ROR1: variants seen among roughly 807,000 people sequenced by gnomAD.
ROR1 encodes the protein ROR family WNT receptor 1.
In ROR1, 19 loss-of-function variants were observed where a neutral mutation model predicts 78.8. The ratio of observed to expected loss-of-function variants is 0.24; its 90% CI spans 0.17 to 0.35. The LOEUF (loss-of-function observed/expected upper bound fraction) is 0.35, where lower values mean the gene tolerates loss of function less well. Among genes scored for constraint, ROR1 ranks in the 10% least tolerant of loss-of-function variants. The pLI is 1.00. For missense variants in ROR1, 917 were observed against 1,177.8 expected (o/e 0.78, Z 3.24); for synonymous variants, 386 against 433.6 (o/e 0.89, Z 1.36).
intron 4 of ROR1, among the ~76,000 whole-genome samples, chr1:64,078,757 G>C (rs72685146): frequency 6.6e-6 from 1 of 152,160 alleles, no homozygotes; most frequent in Non-Finnish European, 1.5e-5. Context: ...AGAAGGAAAA[G>C]ATACGATCTT....
At position 64,154,128 on chromosome 1, in the gene ROR1, A is replaced by AT. The variant is rs777178977; in HGVS notation, c.1175-4844dup. ...AATCAATGTATATGGCCTATTCAGC[A>AT]TTTTTTTTTAAAGAATTCATTTGAG... On this transcript the variant is annotated intron_variant, in intron 7 of 8. Transcript: ENST00000371079. Among the ~76,000 whole-genome samples, 777 of 151,612 alleles carry AT rather than the reference A, an allele frequency of 5.1e-3. 4 individuals carry two copies. The highest frequency in any genetic ancestry group is 7.8e-3 in the Non-Finnish European group (527 of 67,856).
At chr1:63,834,761 T>C (rs1425108103) in intron 1 of ROR1, among the ~76,000 whole-genome samples, 1 of 152,168 alleles carries the variant, frequency 6.6e-6, no homozygotes, top group Non-Finnish European at 1.5e-5. Flanking sequence ...GGTTCCAAGA[T>C]GGCAAGTGGA....
At chr1:63,861,598 C>T (rs1314092523) in intron 1 of ROR1, among the ~76,000 whole-genome samples, 1 of 152,160 alleles carries the variant, frequency 6.6e-6, no homozygotes, top group Admixed American at 6.5e-5. Context: ...ACTGACTGTG[C>T]TCAGGAATAC....
At chr1:64,062,269 C>A (rs563106600) in intron 4 of ROR1, among the ~76,000 whole-genome samples, 2 of 152,240 alleles carry the variant, frequency 1.3e-5, no homozygotes, top group South Asian at 4.2e-4. Flanking sequence ...GATTCAGCCT[C>A]TTAATGTCTT....
chr1:64,079,119 A>G (rs1282462018), intron 4 of ROR1, among the ~76,000 whole-genome samples: 1 of 152,210 alleles, frequency 6.6e-6, no homozygotes, highest in Non-Finnish European at 1.5e-5. Flanking sequence ...TATTCCATGC[A>G]GCTTCAGGAG....
chr1:63,830,975 G>A (rs1334805400), intron 1 of ROR1, among the ~76,000 whole-genome samples: 2 of 152,318 alleles, frequency 1.3e-5, no homozygotes, highest in South Asian at 2.1e-4. Flanking sequence ...ACGCAGCAGG[G>A]CAGCCATTAA....
At chr1:64,084,284 C>T (rs745906128) in intron 4 of ROR1, among the ~76,000 whole-genome samples, 1 of 152,140 alleles carries the variant, frequency 6.6e-6, no homozygotes. Context: ...CTGAAGCAAA[C>T]GTTCTGGATA....
rs755212044 is a variant in ROR1, at chr1:64,177,735, T to C, written c.1694T>C (p.Ile565Thr). The C allele has an allele frequency of 6.2e-7, 1 of 1,614,180 alleles. No individual in the cohort carries two copies. Among genetic ancestry groups the C allele is most frequent in the Non-Finnish European group, 8.5e-7 (1 of 1,180,042 alleles). Residue 565 changes from isoleucine (I) to threonine (T), a missense_variant, in exon 9 of 9, where the codon ATC becomes ACC. Around this residue, in one of 3 missense-constraint regions of ROR1, gnomAD observed 835 missense variants for 1,069.8 expected, o/e 0.78. Transcript: ENST00000371079. ...INQGDLHEFLIMRSPHSDVGC... is the reference protein window; with the variant it reads ...INQGDLHEFLTMRSPHSDVGC... The stretch of plus-strand genomic sequence containing the variant: ...CAGGGGGATCTCCATGAGTTCCTCA[T>C]CATGAGATCCCCACACTCTGATGTT...
chr1:63,795,198 A>G (rs978227154), intron 1 of ROR1, among the ~76,000 whole-genome samples: 7 of 152,126 alleles, frequency 4.6e-5, no homozygotes, highest in African/African-American at 1.7e-4. Context: ...AAATCATCAG[A>G]AGCCCCGCTG....
At chr1:63,842,695 A>G (rs1645056372) in intron 1 of ROR1, among the ~76,000 whole-genome samples, 1 of 151,250 alleles carries the variant, frequency 6.6e-6, no homozygotes, top group African/African-American at 2.4e-5. Context: ...TTTTTTTTTA[A>G]TCGAAAGTGC....
At chr1:63,944,733 G>A (rs1277828252) in intron 1 of ROR1, among the ~76,000 whole-genome samples, 3 of 152,164 alleles carry the variant, frequency 2.0e-5, no homozygotes, top group Non-Finnish European at 4.4e-5. Flanking sequence ...GGATGAGGGT[G>A]CTCTGGATGC....
intron 1 of ROR1, among the ~76,000 whole-genome samples, chr1:63,856,992 T>A (rs1172143250): frequency 1.3e-5 from 2 of 152,122 alleles, no homozygotes; most frequent in Non-Finnish European, 2.9e-5. Flanking sequence ...TCTCGTTAGA[T>A]TTTGTTTCCT....
chr1:64,087,731 A>G (rs1229607253), intron 4 of ROR1, among the ~76,000 whole-genome samples: 1 of 152,236 alleles, frequency 6.6e-6, no homozygotes, highest in Non-Finnish European at 1.5e-5. Flanking sequence ...CAGCATGACA[A>G]GAGTTTTTGA....
At chr1:63,997,839 T>G (rs1646350821) in intron 1 of ROR1, among the ~76,000 whole-genome samples, 1 of 74,356 alleles carries the variant, frequency 1.3e-5, no homozygotes, top group Non-Finnish European at 3.8e-5. Flanking sequence ...GTGTTTTTTT[T>G]TTTTAAAAGT....
intron 6 of ROR1, among the ~76,000 whole-genome samples, chr1:64,141,794 T>C (rs1259426960): frequency 6.6e-6 from 1 of 152,160 alleles, no homozygotes; most frequent in Non-Finnish European, 1.5e-5. Context: ...ATTATTATTG[T>C]CATTACTCCT....
In ROR1 at chr1:64,167,077, T is replaced by TGG. The variant is rs1375728559; in HGVS notation, c.1386+7885_1386+7886insGG. On this transcript the variant is annotated intron_variant, in intron 8 of 8. Coordinates refer to ENST00000371079, the MANE Select transcript of ROR1 (RefSeq NM_005012.4). Reference sequence around the variant, plus strand: ...TTCAGAATTGGCCCAAAGTCACAAATTATTAAGTGACAGAGCCAAACTTGA... The same window carrying TGG: ...TTCAGAATTGGCCCAAAGTCACAAATGGTATTAAGTGACAGAGCCAAACTTGA... Among the ~76,000 whole-genome samples the TGG allele has an allele frequency of 1.8e-4, 27 of 152,278 alleles. No individual in the cohort carries two copies. In the East Asian group the frequency reaches 4.2e-3, roughly 24 times the overall value.
rs377646889 is a variant in ROR1 at position 64,049,671 on chromosome 1, C to T, written c.164-20C>T. 1 of 1,606,346 alleles carries T rather than the reference C, an allele frequency of 6.2e-7. No homozygotes were observed. Among genetic ancestry groups the T allele is most frequent in the East Asian group, 2.2e-5 (1 of 44,764 alleles). On this transcript the variant is annotated intron_variant, in intron 2 of 8. Coordinates refer to ENST00000371079, the MANE Select transcript of ROR1 (RefSeq NM_005012.4). ...TCAAGCTGTCTGCCCCTCTCACCTG[C>T]CTCCTCTCTGTGCTCACAGATTCTT...
At chr1:63,881,883 A>G (rs181532755) in intron 1 of ROR1, among the ~76,000 whole-genome samples, 35 of 152,302 alleles carry the variant, frequency 2.3e-4, no homozygotes, top group African/African-American at 6.5e-4. Context: ...CTTTGTCTGG[A>G]CACAGTGATT....
At chr1:63,899,224 C>G (rs921862730) in intron 1 of ROR1, among the ~76,000 whole-genome samples, 1 of 152,152 alleles carries the variant, frequency 6.6e-6, no homozygotes, top group Non-Finnish European at 1.5e-5. Context: ...AGTTTCTCCA[C>G]AAAATCCACA....
Sources: gnomAD v4.1 joint callset for allele counts (sites outside exome capture counted in the v4.1 genomes callset) on GRCh38, gnomAD v4.1.1 for gene constraint, gnomAD v4.1.1 regional missense constraint, MANE v1.5 for transcripts, NCBI Gene and HGNC (gene_info 2026-07-23, HGNC 2026-07-21) for gene names.